CMTM4: variants seen among roughly 807,000 people sequenced by gnomAD.
CMTM4 encodes CKLF like MARVEL transmembrane domain containing 4, also known as CKLF-like MARVEL transmembrane domain-containing protein 4.
In CMTM4, 8 loss-of-function variants were observed where a neutral mutation model predicts 19.0. That is an observed-to-expected ratio of 0.42 (90% confidence interval 0.25 to 0.76). The LOEUF (loss-of-function observed/expected upper bound fraction) is 0.76, where lower values mean the gene tolerates loss of function less well. CMTM4 is among the 30% of genes least tolerant of loss of function. The pLI, the probability that CMTM4 is intolerant of heterozygous loss-of-function variation, is 0.27. For missense variants in CMTM4, 228 were observed against 290.2 expected (o/e 0.79, Z 1.56); for synonymous variants, 106 against 121.1 (o/e 0.88, Z 0.82).
At chr16:66,670,764 C>T (rs929376046) in intron 1 of CMTM4, among the ~76,000 whole-genome samples, 4 of 151,562 alleles carry the variant, frequency 2.6e-5, no homozygotes, top group African/African-American at 7.3e-5. Context: ...CGGGCCACTG[C>T]GCTCCAGCCT....
At chr16:66,692,298 C>T (rs2017149801) in intron 1 of CMTM4, among the ~76,000 whole-genome samples, 1 of 152,148 alleles carries the variant, frequency 6.6e-6, no homozygotes, top group Admixed American at 6.5e-5. Flanking sequence ...CCATGGTGGC[C>T]AGGCTAGTCT....
At chr16:66,611,946 G>A (rs355941), downstream of CMTM4, among the ~76,000 whole-genome samples, 7,392 of 151,988 alleles carry the variant, frequency 0.049, 293 homozygotes, top group Admixed American at 0.11. Context: ...ACCTTGTCCT[G>A]CTGAACCTGG....
In CMTM4 at chr16:66,619,995, C is replaced by A. The variant is rs1432488778; in HGVS notation, c.*2063G>T. ...CTCAGGAGGCCAACCACCTGCCCCCCTCTTTCACCAGATGATCAAGTGGTT... is the reference window on the plus strand; with the variant it reads ...CTCAGGAGGCCAACCACCTGCCCCCATCTTTCACCAGATGATCAAGTGGTT... On this transcript the variant is annotated 3_prime_UTR_variant, in exon 4 of 4. Transcript: ENST00000394106. 1 of 985,408 alleles carries A rather than the reference C, an allele frequency of 1.0e-6. No individual in the cohort carries two copies. Among genetic ancestry groups the A allele is most frequent in the Non-Finnish European group, 1.2e-6 (1 of 829,938 alleles). The allele number at this position is 985,408 out of a possible 1,614,324, so 61.0% of individuals were successfully genotyped here.
chr16:66,656,362 T>C (rs1164428991), intron 1 of CMTM4, among the ~76,000 whole-genome samples: 1 of 152,108 alleles, frequency 6.6e-6, no homozygotes, highest in East Asian at 1.9e-4. Context: ...TTTTTTGTTG[T>C]TGTTATTGTT....
chr16:66,651,177 A>G (rs1007064625), intron 1 of CMTM4, among the ~76,000 whole-genome samples: 5 of 152,170 alleles, frequency 3.3e-5, no homozygotes, highest in African/African-American at 1.2e-4. Context: ...CTCCTCTCTT[A>G]GCAACCAACA....
At position 66,620,046 on chromosome 16, in the gene CMTM4, G is replaced by C; in HGVS notation, c.*2012C>G. 1.0e-6 allele frequency: 1 copy of C among 985,376 alleles called. No homozygotes were observed. The allele number at this position is 985,376 out of a possible 1,614,324, so 61.0% of individuals were successfully genotyped here. A position where few individuals can be genotyped will look rare whatever the true frequency, so the allele number is the denominator to read the frequency against. ...TTACTGAAGTGAGCTGGGAAAACTT[G>C]GGCAACAAGCCCACCTGAATGGTGT... On this transcript the variant is annotated 3_prime_UTR_variant, in exon 4 of 4. Coordinates refer to ENST00000394106, the MANE Select transcript of CMTM4 (RefSeq NM_181521.3).
intron 1 of CMTM4, among the ~76,000 whole-genome samples, chr16:66,666,229 G>T (rs2016591528): frequency 6.6e-6 from 1 of 152,138 alleles, no homozygotes; most frequent in Non-Finnish European, 1.5e-5. Flanking sequence ...GAGGCAGGCG[G>T]ATCACAAGGT....
chr16:66,642,294 T>C (rs531362083), intron 1 of CMTM4, among the ~76,000 whole-genome samples: 1 of 152,338 alleles, frequency 6.6e-6, no homozygotes, highest in South Asian at 2.1e-4. Flanking sequence ...TATACAGAGA[T>C]GTCCAAAAAG....
rs1555502520 is a variant in CMTM4, at chr16:66,683,181, G to GTATATA, written c.186+13153_186+13158dup. ...TATACGTATATATATATATACATAT[G>GTATATA]TATATATATATACATATATATATAT... On this transcript the variant is annotated intron_variant, in intron 1 of 3. Transcript: ENST00000394106. Among the ~76,000 whole-genome samples, 757 of 124,312 alleles carry GTATATA rather than the reference G, an allele frequency of 6.1e-3. 15 individuals carry two copies. The highest frequency in any genetic ancestry group is 0.023 in the African/African-American group (721 of 31,872). 81.6% of individuals were successfully genotyped at this position (124,312 alleles called of 152,430 possible).
At chr16:66,645,701 G>A (rs57652548) in intron 1 of CMTM4, among the ~76,000 whole-genome samples, 6,548 of 150,698 alleles carry the variant, frequency 0.043, 262 homozygotes, top group East Asian at 0.16. Context: ...TAACCAGGCC[G>A]GCTGTGGTGG....
chr16:66,619,765 A>C lies in CMTM4; in HGVS notation c.*2293T>G, dbSNP rs2015595099. ...GTTCTAGTGGGAGTTAATTAAATAC[A>C]AGGAGAACATTTACAAAACCACCGA... On this transcript the variant is annotated 3_prime_UTR_variant, in exon 4 of 4. Coordinates refer to ENST00000394106, the MANE Select transcript of CMTM4 (RefSeq NM_181521.3). The C allele has an allele frequency of 2.0e-6, 2 of 985,264 alleles. No homozygotes were observed. The highest frequency in any genetic ancestry group is 2.4e-6 in the Non-Finnish European group (2 of 829,898). 61.0% of individuals were successfully genotyped at this position (985,264 alleles called of 1,614,324 possible).
At chr16:66,633,118 A>AATATATATATAT (rs1168825024) in intron 2 of CMTM4, among the ~76,000 whole-genome samples, 1 of 76,198 alleles carries the variant, frequency 1.3e-5, no homozygotes, top group African/African-American at 3.7e-5. Flanking sequence ...TATATATATA[A>AATATATATATAT]ATATATATAT....
Position 66,622,479 on chromosome 16 carries a change from C to T in CMTM4, c.463-257G>A, listed in dbSNP as rs1318128426. ...CCTGCTGGATGTGTGGCTGTCACAC[C>T]ACAGCTGAGTCTCTAGTCATGTGAC... On this transcript the variant is annotated intron_variant, in intron 3 of 3. Coordinates refer to ENST00000394106, the MANE Select transcript of CMTM4 (RefSeq NM_181521.3). The surrounding 1 kb of genome is among the most constrained non-coding windows in gnomAD (Gnocchi z 4.0). Among the ~76,000 whole-genome samples, 8 of 152,200 alleles carry T rather than the reference C, an allele frequency of 5.3e-5. No individual in the cohort carries two copies. Among genetic ancestry groups the T allele is most frequent in the Non-Finnish European group, 1.2e-4 (8 of 68,046 alleles).
At position 66,659,065 on chromosome 16, in the gene CMTM4, G is replaced by C. The variant is rs543205346; in HGVS notation, c.187-22484C>G. 5.9e-5 allele frequency among the ~76,000 whole-genome samples: 9 copies of C among 152,220 alleles called. No homozygotes were observed. In the East Asian group the frequency reaches 1.7e-3, roughly 29 times the overall value. ...GAGTAACCAGGTTACAGGAAACAGA[G>C]AAGTTGAAGGAGCATGTTAAAATCA... On this transcript the variant is annotated intron_variant, in intron 1 of 3. Coordinates refer to ENST00000394106, the MANE Select transcript of CMTM4 (RefSeq NM_181521.3).
chr16:66,602,162 C>T, the CMTM4 span, among the ~76,000 whole-genome samples: 5 of 152,164 alleles, frequency 3.3e-5, no homozygotes, highest in African/African-American at 4.8e-5. Flanking sequence ...TTTGGGAGGC[C>T]GAGGCGGGAA....
At chr16:66,607,862 G>A in the CMTM4 span, among the ~76,000 whole-genome samples, 10 of 151,280 alleles carry the variant, frequency 6.6e-5, no homozygotes, top group African/African-American at 2.2e-4. Context: ...GGGCGGGTGC[G>A]GACAGGGTCT....
At position 66,617,626 on chromosome 16, in the gene CMTM4, C is replaced by T. The variant is rs1250842309; in HGVS notation, c.*4432G>A. On this transcript the variant is annotated 3_prime_UTR_variant, in exon 4 of 4. Transcript: ENST00000394106. ...ATAAAAGGTCAAATATTTTAAATTA[C>T]TTTCTCAACCAGACAGTTCTTGTGA... is the stretch of plus-strand genomic sequence containing the variant. The T allele has an allele frequency of 1.7e-6, 2 of 1,176,042 alleles. No homozygotes were observed. Among genetic ancestry groups the T allele is most frequent in the Non-Finnish European group, 2.1e-6 (2 of 944,588 alleles). The allele number at this position is 1,176,042 out of a possible 1,614,324, so 72.9% of individuals were successfully genotyped here.
At chr16:66,604,153 C>G in the CMTM4 span, 1 of 151,984 alleles carries the variant, frequency 6.6e-6, no homozygotes, top group Non-Finnish European at 1.5e-5. Flanking sequence ...GTGTGTGTGT[C>G]TGTGTGTGTG....
chr16:66,667,965 CTGTT>C (rs2016631963), intron 1 of CMTM4, among the ~76,000 whole-genome samples: 1 of 149,548 alleles, frequency 6.7e-6, no homozygotes, highest in African/African-American at 2.5e-5. Flanking sequence ...AAACTTTTCC[CTGTT>C]TTTTTGTTTT....
Sources: gnomAD v4.1 joint callset for allele counts (sites outside exome capture counted in the v4.1 genomes callset) on GRCh38, gnomAD v4.1.1 for gene constraint, Gnocchi (gnomAD v3.1) non-coding constraint, MANE v1.5 for transcripts, NCBI Gene and HGNC (gene_info 2026-07-23, HGNC 2026-07-21) for gene names.